The following DGKG variants were observed in gnomAD, a reference collection of about 807,000 sequenced individuals.
DGKG encodes the protein DAG kinase gamma.
A neutral mutation model predicts 105.3 loss-of-function variants in DGKG; 78 were observed. The observed-to-expected ratio is 0.74, with a 90% CI of 0.62 to 0.89. The LOEUF (loss-of-function observed/expected upper bound fraction) is 0.89, where lower values mean the gene tolerates loss of function less well. DGKG is among the 40% of genes least tolerant of loss of function. The pLI is 0.00. For synonymous variants in DGKG, 346 were observed against 367.1 expected (o/e 0.94, Z 0.66); for missense variants, 958 against 1,020.1 (o/e 0.94, Z 0.83).
At chr3:186,333,862 G>T (rs1725709163) in intron 1 of DGKG, among the ~76,000 whole-genome samples, 1 of 152,124 alleles carries the variant, frequency 6.6e-6, no homozygotes, top group African/African-American at 2.4e-5. Context: ...GTACGTGTGT[G>T]TGTGTTTTAA....
intron 21 of DGKG, among the ~76,000 whole-genome samples, chr3:186,194,620 GC>G (rs1229628701): frequency 2.0e-5 from 3 of 152,116 alleles, no homozygotes; most frequent in African/African-American, 7.2e-5. Context: ...TTATAGGCCT[GC>G]CACTCGGCTT....
intron 3 of DGKG, among the ~76,000 whole-genome samples, chr3:186,298,783 A>G (rs2108614705): frequency 6.6e-6 from 1 of 152,344 alleles, no homozygotes; most frequent in Non-Finnish European, 1.5e-5. Flanking sequence ...AAAGTAGGAA[A>G]GACCTGGAAG....
chr3:186,158,796 G>A, intron 24 of DGKG: 2 of 916,422 alleles, frequency 2.2e-6, no homozygotes, highest in Non-Finnish European at 2.6e-6. Context: ...TTTTGATTCT[G>A]TTATTAAATA....
At chr3:186,159,900 A>T (rs996431960) in intron 24 of DGKG, 2 of 152,328 alleles carry the variant, frequency 1.3e-5, no homozygotes, top group African/African-American at 4.8e-5. Context: ...TAAGAAGAGA[A>T]AAGAGTGTAC....
In DGKG at chr3:186,161,420, G is replaced by C. The variant is rs1470708618; in HGVS notation, c.2277+183C>G. 3 of 1,433,100 alleles carry C rather than the reference G, an allele frequency of 2.1e-6. No homozygotes were observed. The African/African-American group carries it at 4.3e-5, about 21-fold the overall frequency. 88.8% of individuals were successfully genotyped at this position (1,433,100 alleles called of 1,614,324 possible). On this transcript the variant is annotated intron_variant, in intron 24 of 24. Coordinates refer to ENST00000265022, the MANE Select transcript of DGKG (RefSeq NM_001346.3). ...GCTTCACAGTGTCTGGCATATAGCA[G>C]GTTTTCATTAAGAGTTGCCAGGTAA...
In DGKG at chr3:186,223,631, G is replaced by T. The variant is rs1256592049; in HGVS notation, c.1827-11746C>A. Among the ~76,000 whole-genome samples, 4 of 152,096 alleles carry T rather than the reference G, an allele frequency of 2.6e-5. No homozygotes were observed. The East Asian group carries it at 7.7e-4, about 29-fold the overall frequency. On this transcript the variant is annotated intron_variant, in intron 20 of 24. Coordinates refer to ENST00000265022, the MANE Select transcript of DGKG (RefSeq NM_001346.3). ...TGCCAGTTTAAAAAATCTTAAATAG[G>T]AAAGCATGAGCCAGAGCCTCGCTCT...
chr3:186,337,141 C>A (rs766230627), intron 1 of DGKG, among the ~76,000 whole-genome samples: 1 of 152,144 alleles, frequency 6.6e-6, no homozygotes. Flanking sequence ...ATGAGGCTAG[C>A]ATAACCCGGT....
intron 7 of DGKG, among the ~76,000 whole-genome samples, chr3:186,282,041 GA>G (rs1196372334): frequency 2.0e-5 from 3 of 152,218 alleles, no homozygotes; most frequent in Non-Finnish European, 4.4e-5. Context: ...TTAGCTTGGA[GA>G]AGATTTTAGG....
chr3:186,358,582 G>C (rs1471275917), intron 1 of DGKG, among the ~76,000 whole-genome samples: 1 of 150,970 alleles, frequency 6.6e-6, no homozygotes, highest in Non-Finnish European at 1.5e-5. Context: ...TCCACCTGAG[G>C]ACATTTTTTT....
In DGKG at chr3:186,279,869, G is replaced by T; in HGVS notation, c.774C>A (p.Leu258=). Residue 258 remains leucine, a synonymous_variant, in exon 9 of 25, where the codon CTC becomes CTA. Coordinates refer to ENST00000265022, the MANE Select transcript of DGKG (RefSeq NM_001346.3). ...GGMTTIPLLV[L]LGMDDSGSKG... ...GACTTACAGAGTCATCCATCCCCAGGAGGACCAGCAATGGGATGGTGGTCA... is the reference window on the plus strand; with the variant it reads ...GACTTACAGAGTCATCCATCCCCAGTAGGACCAGCAATGGGATGGTGGTCA... 1 of 1,613,868 alleles carries T rather than the reference G, an allele frequency of 6.2e-7. No individual in the cohort carries two copies. Among genetic ancestry groups the T allele is most frequent in the East Asian group, 2.2e-5 (1 of 44,848 alleles).
chr3:186,199,753 T>G (rs1475621770), intron 21 of DGKG, among the ~76,000 whole-genome samples: 1 of 152,146 alleles, frequency 6.6e-6, no homozygotes, highest in Admixed American at 6.5e-5. Context: ...CCTCAGACAA[T>G]CGGCCTGCCT....
intron 8 of DGKG, 127 bp from the exon 9 acceptor site, chr3:186,280,100 G>T: frequency 8.0e-7 from 1 of 1,246,246 alleles, no homozygotes; most frequent in Non-Finnish European, 1.1e-6. Flanking sequence ...CTCCTGTTAA[G>T]TGTGAATAGA....
rs532249023 is a variant in DGKG, at chr3:186,278,976, A to G, written c.792+875T>C. ...GTGAGTTCACTTGGTAAATAGGTGG[A>G]GAATACAGTAACTGGGTCAGATGAA... is the stretch of plus-strand genomic sequence containing the variant. On this transcript the variant is annotated intron_variant, in intron 9 of 24. Coordinates refer to ENST00000265022, the MANE Select transcript of DGKG (RefSeq NM_001346.3). 2.3e-3 allele frequency among the ~76,000 whole-genome samples: 352 copies of G among 152,308 alleles called. 1 individual carries two copies. Among genetic ancestry groups the G allele is most frequent in the African/African-American group, 8.1e-3 (336 of 41,556 alleles).
intron 9 of DGKG, among the ~76,000 whole-genome samples, chr3:186,278,450 G>T (rs997261956): frequency 2.6e-5 from 4 of 152,094 alleles, no homozygotes; most frequent in African/African-American, 9.7e-5. Context: ...GCGAGTAAGG[G>T]GGATGATCTC....
chr3:186,276,974 T>G (rs1483219536), intron 9 of DGKG, among the ~76,000 whole-genome samples: 5 of 152,348 alleles, frequency 3.3e-5, no homozygotes, highest in Admixed American at 2.6e-4. Flanking sequence ...CTCACATTCT[T>G]TTCCAAATGC....
At position 186,314,151 on chromosome 3, in the gene DGKG, TTTAA is replaced by T. The variant is rs751888077; in HGVS notation, c.67+6238_67+6241del. On this transcript the variant is annotated intron_variant, in intron 2 of 24. Coordinates refer to ENST00000265022, the MANE Select transcript of DGKG (RefSeq NM_001346.3). ...ATCTTAAAATTTTGCTTTAATGTAA[TTTAA>T]TTGACATATACATATCTGCACACAC... Among the ~76,000 whole-genome samples the T allele has an allele frequency of 9.9e-5, 15 of 150,938 alleles. No individual in the cohort carries two copies. In the East Asian group the frequency reaches 2.0e-3, roughly 20 times the overall value.
At chr3:186,222,045 TGGCTATTTGTAGAC>T (rs1719609680) in intron 20 of DGKG, among the ~76,000 whole-genome samples, 1 of 152,184 alleles carries the variant, frequency 6.6e-6, no homozygotes, top group Non-Finnish European at 1.5e-5. Context: ...GGTACTATGG[TGGCTATTTGTAGAC>T]GTGTGAGATG....
At chr3:186,180,704 T>G (rs1578629990) in intron 22 of DGKG, among the ~76,000 whole-genome samples, 1 of 151,950 alleles carries the variant, frequency 6.6e-6, no homozygotes, top group African/African-American at 2.4e-5. Context: ...TTCATAAAGG[T>G]GAAAAGAAAG....
At chr3:186,359,763 T>C (rs930663751) in intron 1 of DGKG, among the ~76,000 whole-genome samples, 12 of 152,086 alleles carry the variant, frequency 7.9e-5, no homozygotes, top group Non-Finnish European at 1.8e-4. Flanking sequence ...GGAAAGGAAA[T>C]ATGCCAGTAT....
Sources: allele counts gnomAD v4.1 joint callset (sites outside exome capture counted in the v4.1 genomes callset), GRCh38; gene constraint gnomAD v4.1.1; transcripts MANE v1.5; gene names NCBI Gene and HGNC (gene_info 2026-07-23, HGNC 2026-07-21).